PHF14: variants seen among roughly 807,000 people sequenced by gnomAD.
The protein encoded by PHF14 is PHD finger protein 14.
A neutral mutation model predicts 117.9 loss-of-function variants in PHF14; 55 were observed. The observed-to-expected ratio is 0.47, with a 90% CI of 0.38 to 0.58. The LOEUF (loss-of-function observed/expected upper bound fraction) is 0.58. Among genes scored for constraint, PHF14 ranks in the 20% least tolerant of loss-of-function variants. The pLI is 0.00. For missense variants in PHF14, 978 were observed against 1,122.2 expected (o/e 0.87, Z 1.84); for synonymous variants, 409 against 368.6 (o/e 1.11, Z -1.26).
At chr7:11,061,908 C>T in intron 15 of PHF14, 56 bp from the exon 16 acceptor site, 2 of 1,518,798 alleles carry the variant, frequency 1.3e-6, no homozygotes, top group Non-Finnish European at 1.8e-6. Context: ...AAAATTGTTT[C>T]CCTCATATCC....
At chr7:11,038,292 G>A (rs1211976501) in intron 10 of PHF14, among the ~76,000 whole-genome samples, 2 of 151,858 alleles carry the variant, frequency 1.3e-5, no homozygotes, top group Non-Finnish European at 2.9e-5. Flanking sequence ...TTAGCTGGGC[G>A]TGGTGGAGGG....
At chr7:10,987,986 A>G (rs1342493121) in intron 3 of PHF14, among the ~76,000 whole-genome samples, 2 of 143,914 alleles carry the variant, frequency 1.4e-5, no homozygotes, top group Admixed American at 7.2e-5. Context: ...ATTGCACTCC[A>G]GCCTGGGCAA....
intron 14 of PHF14, among the ~76,000 whole-genome samples, chr7:11,052,528 A>G (rs768451254): frequency 2.0e-5 from 3 of 151,166 alleles, no homozygotes; most frequent in South Asian, 2.1e-4. Context: ...GTTACAGACT[A>G]TCTGCATCTT....
intron 17 of PHF14, among the ~76,000 whole-genome samples, chr7:11,150,611 A>T (rs1055158609): frequency 1.3e-5 from 2 of 152,192 alleles, no homozygotes; most frequent in Non-Finnish European, 2.9e-5. Context: ...ACTTTAAATA[A>T]TGCATAGAGA....
At chr7:11,053,149 T>G (rs959214326) in intron 14 of PHF14, among the ~76,000 whole-genome samples, 1 of 152,168 alleles carries the variant, frequency 6.6e-6, no homozygotes, top group African/African-American at 2.4e-5. Flanking sequence ...AAAGAGTCTT[T>G]AATTTTTTCC....
intron 6 of PHF14, among the ~76,000 whole-genome samples, chr7:11,028,395 G>C (rs1783998947): frequency 6.6e-6 from 1 of 152,112 alleles, no homozygotes; most frequent in African/African-American, 2.4e-5. Flanking sequence ...AAAGTGCTTA[G>C]AATAGTGACT....
At chr7:11,123,424 CTGAAGATA>C (rs200058512) in intron 17 of PHF14, among the ~76,000 whole-genome samples, 1,855 of 152,062 alleles carry the variant, frequency 0.012, 28 homozygotes, top group African/African-American at 0.043. Flanking sequence ...ATTAAATATT[CTGAAGATA>C]TGATTAAATA....
chr7:10,994,322 C>G (rs562273052), intron 4 of PHF14, among the ~76,000 whole-genome samples: 8 of 152,212 alleles, frequency 5.3e-5, no homozygotes, highest in African/African-American at 1.9e-4. Context: ...GCCTGTAGTC[C>G]TAGTTACTCA....
chr7:11,046,408 A>G (rs1224484837), intron 13 of PHF14, among the ~76,000 whole-genome samples: 3 of 152,196 alleles, frequency 2.0e-5, no homozygotes, highest in Non-Finnish European at 4.4e-5. Context: ...TTAACAGAGA[A>G]TTGAGTAATA....
chr7:10,995,145 C>A (rs1782590938), intron 4 of PHF14, among the ~76,000 whole-genome samples: 1 of 152,092 alleles, frequency 6.6e-6, no homozygotes, highest in African/African-American at 2.4e-5. Context: ...TGGTGTGTTA[C>A]AAACCTTGAG....
intron 14 of PHF14, among the ~76,000 whole-genome samples, chr7:11,052,494 T>C (rs533634677): frequency 6.6e-6 from 1 of 152,292 alleles, no homozygotes; most frequent in South Asian, 2.1e-4. Flanking sequence ...AGTTTGTGTA[T>C]GTATTAAGGT....
chr7:11,073,351 C>G (rs753838701), intron 16 of PHF14, among the ~76,000 whole-genome samples: 2 of 152,164 alleles, frequency 1.3e-5, no homozygotes, highest in Non-Finnish European at 2.9e-5. Context: ...AAGAAACAGG[C>G]AGTAGGCCCC....
chr7:11,052,069 G>A (rs973671420), intron 14 of PHF14, among the ~76,000 whole-genome samples: 3 of 152,064 alleles, frequency 2.0e-5, no homozygotes, highest in African/African-American at 4.8e-5. Flanking sequence ...TAAACCCCTC[G>A]ACAAGCTCAT....
chr7:11,034,168 T>G (rs541593051), intron 7 of PHF14, among the ~76,000 whole-genome samples: 5 of 152,256 alleles, frequency 3.3e-5, no homozygotes, highest in Non-Finnish European at 7.4e-5. Flanking sequence ...TTTTTTTCTT[T>G]CTGTTCTTAT....
At chr7:10,975,003 A>C (rs2128306366) in intron 2 of PHF14, 58 bp downstream of exon 2, 2 of 863,046 alleles carry the variant, frequency 2.3e-6, no homozygotes, top group South Asian at 3.1e-5. Flanking sequence ...GCTTATTTTT[A>C]GACTTTTTAA....
chr7:11,035,095 A>C (rs898877275), intron 7 of PHF14, among the ~76,000 whole-genome samples: 1 of 152,034 alleles, frequency 6.6e-6, no homozygotes, highest in African/African-American at 2.4e-5. Flanking sequence ...AACCAACTGC[A>C]GATCGAAAAT....
chr7:11,076,426 TA>T (rs1230289230), intron 16 of PHF14, among the ~76,000 whole-genome samples: 1 of 151,952 alleles, frequency 6.6e-6, no homozygotes, highest in African/African-American at 2.4e-5. Context: ...TATTTAATAT[TA>T]TTTTTTTAAA....
intron 17 of PHF14, 87 bp from the exon 18 acceptor site, chr7:11,169,329 T>C: frequency 1.6e-6 from 1 of 619,500 alleles, no homozygotes; most frequent in East Asian, 3.2e-5. Context: ...AGTTCATAGT[T>C]CTACAGATGC....
intron 4 of PHF14, among the ~76,000 whole-genome samples, chr7:10,997,214 C>G (rs1000569532): frequency 6.6e-6 from 1 of 152,104 alleles, no homozygotes; most frequent in Non-Finnish European, 1.5e-5. Flanking sequence ...TTAATATCCT[C>G]AAGCAGAGCA....
Sources: gnomAD v4.1 joint callset for allele counts (sites outside exome capture counted in the v4.1 genomes callset) on GRCh38, gnomAD v4.1.1 for gene constraint, MANE v1.5 for transcripts, NCBI Gene and HGNC (gene_info 2026-07-23, HGNC 2026-07-21) for gene names.